Variants in CDH13 observed in about 807,000 individuals in gnomAD.
The protein encoded by CDH13 is cadherin 13, also known as cadherin-13.
Under a neutral mutation model 63.8 loss-of-function variants are expected in CDH13, and 24 were observed. The ratio of observed to expected loss-of-function variants is 0.38; its 90% CI spans 0.27 to 0.53. The LOEUF (loss-of-function observed/expected upper bound fraction) is 0.53, where lower values mean the gene tolerates loss of function less well. Among genes scored for constraint, CDH13 ranks in the 20% least tolerant of loss-of-function variants. CDH13 has a pLI of 0.85. For missense variants in CDH13, 1,049 were observed against 903.1 expected (o/e 1.16, Z -2.07); for synonymous variants, 503 against 355.3 (o/e 1.42, Z -4.67).
At chr16:83,685,562 A>G (rs539066178) in intron 10 of CDH13, among the ~76,000 whole-genome samples, 1 of 152,334 alleles carries the variant, frequency 6.6e-6, no homozygotes, top group South Asian at 2.1e-4. Flanking sequence ...TGAAAGAAAT[A>G]GTCTCTGTCT....
intron 6 of CDH13, among the ~76,000 whole-genome samples, chr16:83,388,706 G>T (rs11149560): frequency 3.3e-5 from 5 of 151,828 alleles, no homozygotes; most frequent in African/African-American, 9.7e-5. Context: ...TATTTCCAAG[G>T]GCACAGCAGG....
chr16:83,478,445 A>G (rs1005809413), intron 6 of CDH13, among the ~76,000 whole-genome samples: 5 of 152,116 alleles, frequency 3.3e-5, no homozygotes, highest in Admixed American at 3.3e-4. Flanking sequence ...CTGTTAGAGG[A>G]CTGACCAAAG....
chr16:83,264,329 A>C (rs1168330621), intron 5 of CDH13, among the ~76,000 whole-genome samples: 1 of 152,196 alleles, frequency 6.6e-6, no homozygotes, highest in African/African-American at 2.4e-5. Flanking sequence ...ATCTTTGTTT[A>C]TGAATTTTTA....
At chr16:83,692,447 C>T (rs929636048) in intron 10 of CDH13, among the ~76,000 whole-genome samples, 9 of 152,196 alleles carry the variant, frequency 5.9e-5, no homozygotes, top group African/African-American at 2.2e-4. Context: ...GCCTGCTGGA[C>T]ATCCACCTGT....
At chr16:83,398,175 G>A (rs1417308266) in intron 6 of CDH13, 1 of 132,866 alleles carries the variant, frequency 7.5e-6, no homozygotes, top group Admixed American at 7.3e-5. Context: ...AATTTCCTAG[G>A]GCTGCCATAA....
intron 5 of CDH13, among the ~76,000 whole-genome samples, chr16:83,269,692 C>T (rs2088740512): frequency 1.3e-5 from 2 of 152,178 alleles, no homozygotes; most frequent in Non-Finnish European, 2.9e-5. Flanking sequence ...GCCCAGTACC[C>T]TGAATGAGTG....
intron 4 of CDH13, among the ~76,000 whole-genome samples, chr16:83,153,738 G>T (rs947265971): frequency 2.0e-5 from 3 of 152,088 alleles, no homozygotes; most frequent in African/African-American, 4.8e-5. Flanking sequence ...ACCAACCCTG[G>T]CATTACCTTG....
At chr16:83,787,992 A>C (rs549329485) in intron 13 of CDH13, among the ~76,000 whole-genome samples, 14 of 152,358 alleles carry the variant, frequency 9.2e-5, no homozygotes, top group African/African-American at 3.1e-4. Flanking sequence ...AGTTTGGATA[A>C]ATCGGAGAGC....
At chr16:83,767,573 A>G (rs546288100) in intron 11 of CDH13, among the ~76,000 whole-genome samples, 1 of 152,328 alleles carries the variant, frequency 6.6e-6, no homozygotes, top group South Asian at 2.1e-4. Context: ...CATTATTCGT[A>G]ATAGACAAAA....
intron 1 of CDH13, among the ~76,000 whole-genome samples, chr16:82,788,308 TA>T (rs2036123280): frequency 6.6e-6 from 1 of 152,202 alleles, no homozygotes; most frequent in African/African-American, 2.4e-5. Flanking sequence ...AGCTCGTTAC[TA>T]CCCATTACAT....
At chr16:83,228,884 G>A (rs1370662208) in intron 5 of CDH13, among the ~76,000 whole-genome samples, 1 of 152,224 alleles carries the variant, frequency 6.6e-6, no homozygotes, top group African/African-American at 2.4e-5. Context: ...TGCAGGGGAT[G>A]AATGGGAGAC....
At chr16:83,132,804 G>A (rs1352601541) in intron 4 of CDH13, among the ~76,000 whole-genome samples, 3 of 152,130 alleles carry the variant, frequency 2.0e-5, no homozygotes, top group Non-Finnish European at 4.4e-5. Flanking sequence ...AGAAAAATTG[G>A]AATACAGAGT....
At chr16:83,344,245 C>A (rs1408993574) in intron 5 of CDH13, among the ~76,000 whole-genome samples, 2 of 152,150 alleles carry the variant, frequency 1.3e-5, no homozygotes, top group African/African-American at 4.8e-5. Flanking sequence ...TTTTTTTATG[C>A]TGCCTTCTTC....
chr16:83,491,917 GGTAA>G (rs2074023104), intron 7 of CDH13, among the ~76,000 whole-genome samples: 1 of 152,050 alleles, frequency 6.6e-6, no homozygotes, highest in African/African-American at 2.4e-5. Flanking sequence ...TTCTTTCCAT[GGTAA>G]GTGTTACATA....
At chr16:83,421,739 T>C (rs937530167) in intron 6 of CDH13, among the ~76,000 whole-genome samples, 7 of 152,206 alleles carry the variant, frequency 4.6e-5, no homozygotes, top group African/African-American at 1.4e-4. Context: ...CCAGTAAGGA[T>C]GCAATTGGAA....
chr16:83,319,357 C>T (rs749120436), intron 5 of CDH13, among the ~76,000 whole-genome samples: 1 of 152,126 alleles, frequency 6.6e-6, no homozygotes. Context: ...GGTAGCATTC[C>T]GGTTTTCCTG....
intron 6 of CDH13, among the ~76,000 whole-genome samples, chr16:83,459,243 A>C (rs1211707517): frequency 6.6e-6 from 1 of 152,250 alleles, no homozygotes; most frequent in Non-Finnish European, 1.5e-5. Flanking sequence ...GGATGCAGCA[A>C]TGCCATTGAC....
chr16:82,915,989 G>A (rs1461105495), intron 2 of CDH13, among the ~76,000 whole-genome samples: 1 of 151,922 alleles, frequency 6.6e-6, no homozygotes, highest in Non-Finnish European at 1.5e-5. Context: ...TGTCTGAGCA[G>A]AGACTTTTGG....
intron 3 of CDH13, among the ~76,000 whole-genome samples, chr16:83,036,302 AC>A (rs1916851289): frequency 6.6e-6 from 1 of 151,778 alleles, no homozygotes; most frequent in South Asian, 2.1e-4. Flanking sequence ...GGCACCCACC[AC>A]CACACCTGGC....
Sources: gnomAD v4.1 joint callset for allele counts (sites outside exome capture counted in the v4.1 genomes callset) on GRCh38, gnomAD v4.1.1 for gene constraint, MANE v1.5 for transcripts, NCBI Gene and HGNC (gene_info 2026-07-23, HGNC 2026-07-21) for gene names.